TMEM9: variants seen among roughly 807,000 people sequenced by gnomAD.
The protein encoded by TMEM9 is proton-transporting V-type ATPase complex assembly regulator TMEM9.
Under a neutral mutation model 22.8 loss-of-function variants are expected in TMEM9, and 13 were observed. The observed-to-expected ratio is 0.57, with a 90% confidence interval of 0.37 to 0.91. The LOEUF is 0.91. Among genes scored for constraint, TMEM9 ranks in the 40% least tolerant of loss-of-function variants. The probability of loss-of-function intolerance (pLI) is 0.01; values close to 1 mark genes in which losing one functional copy is unlikely to be tolerated. For missense variants in TMEM9, 182 were observed against 238.1 expected (o/e 0.76, Z 1.55); for synonymous variants, 88 against 93.0 (o/e 0.95, Z 0.31).
At chr1:201,143,774 A>G in intron 4 of TMEM9, 46 bp downstream of exon 4, 1 of 1,603,618 alleles carries the variant, frequency 6.2e-7, no homozygotes, top group Non-Finnish European at 8.5e-7. Flanking sequence ...TGCCCTGGGG[A>G]CGCACATGCA....
upstream of TMEM9, among the ~76,000 whole-genome samples, chr1:201,157,873 G>A (rs555862511): frequency 1.3e-5 from 2 of 152,290 alleles, no homozygotes; most frequent in Admixed American, 6.5e-5. Context: ...AGAGTGGTGG[G>A]CAGAACAATG....
intron 2 of TMEM9, among the ~76,000 whole-genome samples, chr1:201,150,074 C>T (rs892666391): frequency 1.3e-5 from 2 of 152,252 alleles, no homozygotes; most frequent in East Asian, 1.9e-4. Context: ...AGGCATCCAA[C>T]CTTGGGTTTT....
chr1:201,153,115 C>T (rs1665558037), intron 1 of TMEM9, among the ~76,000 whole-genome samples: 1 of 152,226 alleles, frequency 6.6e-6, no homozygotes, highest in Non-Finnish European at 1.5e-5. Flanking sequence ...GTTGCTGTGT[C>T]TAACAGCTGA....
At chr1:201,144,668 G>A (rs1419054470) in intron 3 of TMEM9, 1 of 152,202 alleles carries the variant, frequency 6.6e-6, no homozygotes, top group Non-Finnish European at 1.5e-5. Flanking sequence ...CTCAATGTGG[G>A]TGCTCTGGGA....
At chr1:201,169,378 C>T (rs1666159133) in intron 1 of TMEM9, among the ~76,000 whole-genome samples, 2 of 152,218 alleles carry the variant, frequency 1.3e-5, no homozygotes, top group Admixed American at 1.3e-4. Flanking sequence ...CCTAAGAACT[C>T]ATTTTCTCTA....
At chr1:201,137,965 C>T (rs912515492) in intron 4 of TMEM9, among the ~76,000 whole-genome samples, 1 of 152,220 alleles carries the variant, frequency 6.6e-6, no homozygotes, top group African/African-American at 2.4e-5. Context: ...AGTCCTGCCT[C>T]AGTGTGGCCG....
chr1:201,147,982 G>A (rs940177590), intron 2 of TMEM9, among the ~76,000 whole-genome samples: 2 of 152,038 alleles, frequency 1.3e-5, no homozygotes, highest in African/African-American at 2.4e-5. Context: ...ATCTTTATTC[G>A]TGCTGTCTCC....
At chr1:201,168,337 T>G (rs990644872) in intron 1 of TMEM9, among the ~76,000 whole-genome samples, 1 of 152,214 alleles carries the variant, frequency 6.6e-6, no homozygotes, top group African/African-American at 2.4e-5. Context: ...GTATGAATCT[T>G]GTATGAATAT....
At chr1:201,158,427 T>C (rs1665857071), upstream of TMEM9, among the ~76,000 whole-genome samples, 1 of 94,608 alleles carries the variant, frequency 1.1e-5, no homozygotes, top group Non-Finnish European at 2.1e-5. Flanking sequence ...AGGAGGGCAT[T>C]CTGGTGGGGG....
At chr1:201,159,671 C>G (rs554884666) in intron 1 of TMEM9, among the ~76,000 whole-genome samples, 3 of 151,942 alleles carry the variant, frequency 2.0e-5, no homozygotes, top group Admixed American at 1.3e-4. Context: ...GCTTTGACCT[C>G]CCAGTGTTGG....
At chr1:201,159,876 T>C (rs1665900018) in intron 1 of TMEM9, among the ~76,000 whole-genome samples, 1 of 152,246 alleles carries the variant, frequency 6.6e-6, no homozygotes, top group South Asian at 2.1e-4. Context: ...CCAGTTTATG[T>C]CAGGCATTCT....
intron 4 of TMEM9, among the ~76,000 whole-genome samples, chr1:201,143,572 GTACA>G (rs1664710783): frequency 6.6e-6 from 1 of 152,228 alleles, no homozygotes; most frequent in South Asian, 2.1e-4. Flanking sequence ...TGGAAGCACA[GTACA>G]GCAGGATGAC....
intron 1 of TMEM9, among the ~76,000 whole-genome samples, chr1:201,152,161 GGTGTGTGTGTGT>G (rs3222916): frequency 1.3e-5 from 2 of 149,960 alleles, no homozygotes; most frequent in Admixed American, 6.6e-5. Flanking sequence ...AGGGGAAATG[GGTGTGTGTGTGT>G]GTGTGTGTGT....
In TMEM9 at chr1:201,165,639, G is replaced by A. The variant is rs573449867; in HGVS notation, c.-37+5851C>T. Among the ~76,000 whole-genome samples, 9 of 152,216 alleles carry A rather than the reference G, an allele frequency of 5.9e-5. No homozygotes were observed. In the East Asian group the frequency reaches 7.8e-4, roughly 13 times the overall value. ...TTTAGTAGAGATGGGGTTTCGCCAT[G>A]TTGGCCAGGCTGATCTTGAACTCCT... On this transcript the variant is annotated intron_variant, in intron 1 of 5. Transcript: ENST00000367333.
intron 1 of TMEM9, among the ~76,000 whole-genome samples, chr1:201,167,752 C>A (rs191848016): frequency 5.9e-5 from 9 of 152,156 alleles, no homozygotes; most frequent in Non-Finnish European, 1.0e-4. Flanking sequence ...TTAAGGGCAG[C>A]TTGAAGGCCA....
chr1:201,135,937 G>A, intron 4 of TMEM9, 122 bp from the exon 5 acceptor site: 17 of 1,024,346 alleles, frequency 1.7e-5, no homozygotes, highest in South Asian at 3.8e-5. Flanking sequence ...TGGGAGGCTG[G>A]GCCTCCCCAA....
intron 1 of TMEM9, among the ~76,000 whole-genome samples, chr1:201,167,361 G>A (rs1327457316): frequency 6.6e-6 from 1 of 152,214 alleles, no homozygotes; most frequent in African/African-American, 2.4e-5. Flanking sequence ...GATTGGTTGG[G>A]TCGGAGATAA....
chr1:201,139,085 T>C (rs1252392226), intron 4 of TMEM9, among the ~76,000 whole-genome samples: 1 of 152,194 alleles, frequency 6.6e-6, no homozygotes, highest in Non-Finnish European at 1.5e-5. Flanking sequence ...CCTGAGCCCT[T>C]CAGGCCGTCC....
chr1:201,147,953 T>A (rs1665117294), intron 2 of TMEM9, among the ~76,000 whole-genome samples: 1 of 152,152 alleles, frequency 6.6e-6, no homozygotes, highest in Non-Finnish European at 1.5e-5. Context: ...CCCCCGCCAA[T>A]GCACTGCATT....
Sources: allele counts gnomAD v4.1 joint callset (sites outside exome capture counted in the v4.1 genomes callset), GRCh38; gene constraint gnomAD v4.1.1; transcripts MANE v1.5; gene names NCBI Gene and HGNC (gene_info 2026-07-23, HGNC 2026-07-21).